RORB: variants seen among roughly 807,000 people sequenced by gnomAD.
The protein encoded by RORB is RAR related orphan receptor B.
RORB carries 6 observed loss-of-function variants against 59.1 expected under a neutral mutation model. The ratio of observed to expected loss-of-function variants is 0.10; its 90% confidence interval spans 0.06 to 0.20. RORB has a LOEUF of 0.20. RORB is among the 10% of genes least tolerant of loss of function. The probability of loss-of-function intolerance (pLI) is 1.00; values close to 1 mark genes in which losing one functional copy is unlikely to be tolerated. For missense variants in RORB, 320 were observed against 560.5 expected (o/e 0.57, Z 4.33); for synonymous variants, 215 against 204.5 (o/e 1.05, Z -0.44).
chr9:74,536,654 A>G (rs1326230951), intron 1 of RORB, among the ~76,000 whole-genome samples: 2 of 152,056 alleles, frequency 1.3e-5, no homozygotes, highest in Admixed American at 1.3e-4. Context: ...CCAAGTCAGT[A>G]ACTTCAAGGT....
intron 2 of RORB, among the ~76,000 whole-genome samples, chr9:74,633,055 C>A (rs1354530185): frequency 6.6e-6 from 1 of 152,204 alleles, no homozygotes; most frequent in East Asian, 1.9e-4. Flanking sequence ...GGCCACACCT[C>A]CGTGTCTGAG....
chr9:74,689,091 T>G lies in RORB; in HGVS notation c.*3473T>G, dbSNP rs1318039897. On this transcript the variant is annotated 3_prime_UTR_variant, in exon 10 of 10. Transcript: ENST00000376896. ...ATGACTCAACTAATCTCTTTGCCCCTTTTTCTGTGGCTCCTTTTTTGTTTT... is the reference window on the plus strand; with the variant it reads ...ATGACTCAACTAATCTCTTTGCCCCGTTTTCTGTGGCTCCTTTTTTGTTTT... 5.9e-5 allele frequency: 9 copies of G among 152,416 alleles called. No homozygotes were observed. The highest frequency in any genetic ancestry group is 2.2e-4 in the African/African-American group (9 of 41,576). 9.4% of individuals were successfully genotyped at this position (152,416 alleles called of 1,614,324 possible). A position where few individuals can be genotyped will look rare whatever the true frequency, so the allele number is the denominator to read the frequency against.
intron 1 of RORB, among the ~76,000 whole-genome samples, chr9:74,563,100 ATGT>A (rs1822420883): frequency 6.6e-6 from 1 of 151,688 alleles, no homozygotes. Context: ...TTTCCCAATA[ATGT>A]TGTTTTTAGC....
At chr9:74,576,169 G>A (rs1164497759) in intron 1 of RORB, among the ~76,000 whole-genome samples, 4 of 152,074 alleles carry the variant, frequency 2.6e-5, no homozygotes, top group Non-Finnish European at 5.9e-5. Flanking sequence ...TACTTGTTAG[G>A]TTTGATTCCA....
intron 1 of RORB, among the ~76,000 whole-genome samples, chr9:74,522,102 G>A (rs1259862720): frequency 2.0e-5 from 3 of 151,694 alleles, no homozygotes; most frequent in Non-Finnish European, 4.4e-5. Flanking sequence ...GAAGATGGAT[G>A]GATTGATAGA....
chr9:74,671,325 G>T (rs758443992), intron 8 of RORB, among the ~76,000 whole-genome samples: 4 of 152,142 alleles, frequency 2.6e-5, no homozygotes, highest in Non-Finnish European at 4.4e-5. Context: ...TTATGTTTAT[G>T]CTATATAAAT....
rs34273204 is a variant in RORB at position 74,505,974 on chromosome 9, T to TAA, written c.7+8002_7+8003dup. On this transcript the variant is annotated intron_variant, in intron 1 of 9. Coordinates refer to ENST00000376896, the MANE Select transcript of RORB (RefSeq NM_006914.4). ...GTAAGGAAGAGGGTACAGCTTGTTT[T>TAA]AAAAAAAAAAAAGTATCACCAAGAA... Among the ~76,000 whole-genome samples, 6 of 144,956 alleles carry TAA rather than the reference T, an allele frequency of 4.1e-5. No homozygotes were observed. The South Asian group carries it at 8.7e-4, about 21-fold the overall frequency.
chr9:74,583,018 A>G (rs1269621521), intron 1 of RORB, among the ~76,000 whole-genome samples: 1 of 152,080 alleles, frequency 6.6e-6, no homozygotes, highest in Non-Finnish European at 1.5e-5. Context: ...TACAGGCCCT[A>G]CTCATGAATA....
At chr9:74,595,500 A>G (rs1270367859) in intron 1 of RORB, among the ~76,000 whole-genome samples, 2 of 152,206 alleles carry the variant, frequency 1.3e-5, no homozygotes, top group African/African-American at 4.8e-5. Flanking sequence ...TTAAGAAACC[A>G]TTACTTTCCC....
At chr9:74,662,086 A>G (rs188610590) in intron 5 of RORB, among the ~76,000 whole-genome samples, 193 of 152,240 alleles carry the variant, frequency 1.3e-3, no homozygotes, top group African/African-American at 4.3e-3. Context: ...CTATCCCTCA[A>G]TGCAAAGCTT....
At position 74,642,796 on chromosome 9, in the gene RORB, G is replaced by A. The variant is rs1790100986; in HGVS notation, c.618G>A (p.Gly206=). 1 of 1,595,162 alleles carries A rather than the reference G, an allele frequency of 6.3e-7. No individual in the cohort carries two copies. Among genetic ancestry groups the A allele is most frequent in the African/African-American group, 1.3e-5 (1 of 74,494 alleles). ...SSFNNGQLAP[G]ITMTEIDRIA... is the part of the protein sequence containing the mutation. ...TCAACAATGGGCAGTTAGCACCAGG[G>A]ATAACCATGACTGAAATCGGTAAGT... Residue 206 remains glycine (G), a synonymous_variant, in exon 4 of 10, where the codon GGG becomes GGA. Transcript: ENST00000376896.
chr9:74,519,789 A>G (rs1041289253), intron 1 of RORB, among the ~76,000 whole-genome samples: 1 of 151,954 alleles, frequency 6.6e-6, no homozygotes, highest in Non-Finnish European at 1.5e-5. Flanking sequence ...CTTAAATTAA[A>G]TGTGTCTTCC....
intron 1 of RORB, among the ~76,000 whole-genome samples, chr9:74,503,059 CT>C (rs994779034): frequency 6.6e-6 from 1 of 151,838 alleles, no homozygotes; most frequent in Non-Finnish European, 1.5e-5. Context: ...GGAAATTATG[CT>C]TAATAATTAA....
chr9:74,581,325 C>T (rs1822719757), intron 1 of RORB, among the ~76,000 whole-genome samples: 1 of 152,144 alleles, frequency 6.6e-6, no homozygotes, highest in African/African-American at 2.4e-5. Context: ...TGTAAACAAA[C>T]ATTCTCCATG....
At chr9:74,578,643 T>C (rs73650012) in intron 1 of RORB, among the ~76,000 whole-genome samples, 105 of 150,860 alleles carry the variant, frequency 7.0e-4, no homozygotes, top group African/African-American at 2.5e-3. Flanking sequence ...CTGTAAAAGA[T>C]ATTTTATTTT....
At chr9:74,500,927 A>G (rs1825796297) in intron 1 of RORB, among the ~76,000 whole-genome samples, 1 of 151,944 alleles carries the variant, frequency 6.6e-6, no homozygotes, top group Admixed American at 6.6e-5. Context: ...GGTACCACAG[A>G]AGTTCTAGAG....
At chr9:74,538,410 A>T (rs1482234263) in intron 1 of RORB, among the ~76,000 whole-genome samples, 1 of 152,118 alleles carries the variant, frequency 6.6e-6, no homozygotes, top group African/African-American at 2.4e-5. Context: ...TCACCACCTC[A>T]GTTAAAAAAT....
At chr9:74,501,175 A>G (rs1399948660) in intron 1 of RORB, among the ~76,000 whole-genome samples, 2 of 152,104 alleles carry the variant, frequency 1.3e-5, no homozygotes, top group Non-Finnish European at 2.9e-5. Context: ...TGTCGTCGCA[A>G]TCAATAGGTG....
intron 1 of RORB, among the ~76,000 whole-genome samples, chr9:74,566,509 C>T (rs1488924510): frequency 6.6e-6 from 1 of 151,930 alleles, no homozygotes; most frequent in Non-Finnish European, 1.5e-5. Flanking sequence ...TAAAATAAGC[C>T]CTTCCGGCCG....
Sources: gnomAD v4.1 joint callset for allele counts (sites outside exome capture counted in the v4.1 genomes callset) on GRCh38, gnomAD v4.1.1 for gene constraint, MANE v1.5 for transcripts, NCBI Gene and HGNC (gene_info 2026-07-23, HGNC 2026-07-21) for gene names.